The following LMBR1 variants were observed in gnomAD, a reference collection of about 807,000 sequenced individuals.
LMBR1 encodes the protein limb development membrane protein 1, also known as limb region 1 protein homolog.
A neutral mutation model predicts 73.9 loss-of-function variants in LMBR1; 52 were observed. The ratio of observed to expected loss-of-function variants is 0.70; its 90% confidence interval spans 0.56 to 0.89. The LOEUF is 0.89. Ranked by LOEUF, LMBR1 falls within the 40% of genes least tolerant of loss-of-function variation. The pLI, the probability that LMBR1 is intolerant of heterozygous loss-of-function variation, is 0.00. For missense variants in LMBR1, 539 were observed against 579.8 expected, an observed-to-expected ratio of 0.93 and a Z score of 0.72; for synonymous variants, 215 against 209.4, an observed-to-expected ratio of 1.03 and a Z score of -0.23.
chr7:156,819,813 G>C (rs1489385944), intron 4 of LMBR1, among the ~76,000 whole-genome samples: 16 of 152,048 alleles, frequency 1.1e-4, no homozygotes, highest in Non-Finnish European at 1.5e-5. Context: ...GCGGGTCCCT[G>C]AACCCATCCT....
chr7:156,723,904 T>A (rs767342981), intron 15 of LMBR1, among the ~76,000 whole-genome samples: 29 of 152,154 alleles, frequency 1.9e-4, no homozygotes, highest in Non-Finnish European at 3.7e-4. Flanking sequence ...TGCTTTTAAG[T>A]GTTTAAAAAA....
At chr7:156,750,622 T>C (rs748791816) in intron 9 of LMBR1, among the ~76,000 whole-genome samples, 5 of 152,196 alleles carry the variant, frequency 3.3e-5, no homozygotes, top group Non-Finnish European at 7.3e-5. Flanking sequence ...CCTCTTCCTT[T>C]TTCACTTCTA....
At chr7:156,675,454 A>T (rs1195807729), downstream of LMBR1, among the ~76,000 whole-genome samples, 4 of 152,216 alleles carry the variant, frequency 2.6e-5, no homozygotes, top group African/African-American at 9.6e-5. Flanking sequence ...CAGTATGCCA[A>T]GGTGCCGTAT....
rs887559580 is a variant in LMBR1, at chr7:156,689,309, A to G, written c.1226-1118T>C. Among the ~76,000 whole-genome samples, 3 of 152,196 alleles carry G rather than the reference A, an allele frequency of 2.0e-5. No individual in the cohort carries two copies. In the East Asian group the frequency reaches 5.8e-4, roughly 29 times the overall value. On this transcript the variant is annotated intron_variant, in intron 15 of 16. Coordinates refer to ENST00000353442, the MANE Select transcript of LMBR1 (RefSeq NM_022458.4). ...AAAATTTAAACTACAAAGAATTAGA[A>G]TAAGTAATAACAATCGTCTATAAAA...
chr7:156,844,353 T>A (rs1159090224), intron 1 of LMBR1, among the ~76,000 whole-genome samples: 3 of 151,680 alleles, frequency 2.0e-5, no homozygotes, highest in Non-Finnish European at 2.9e-5. Context: ...ACTATGAAAA[T>A]AAGAATACAA....
intron 11 of LMBR1, 95 bp from the exon 12 acceptor site, chr7:156,728,102 G>A: frequency 5.3e-6 from 5 of 945,876 alleles, no homozygotes; most frequent in East Asian, 2.5e-5. Flanking sequence ...CAGAATAGAG[G>A]GAAAGCAGTC....
At position 156,680,642 on chromosome 7, in the gene LMBR1, C is replaced by G. The variant is rs1328072085; in HGVS notation, c.*3436G>C. The G allele has an allele frequency of 6.5e-6, 1 of 153,066 alleles. No homozygotes were observed. Among genetic ancestry groups the G allele is most frequent in the Non-Finnish European group, 1.5e-5 (1 of 68,680 alleles). The allele number at this position is 153,066 out of a possible 1,614,324, so 9.5% of individuals were successfully genotyped here. On this transcript the variant is annotated 3_prime_UTR_variant, in exon 17 of 17. Transcript: ENST00000353442. The stretch of plus-strand genomic sequence containing the variant: ...AGTAATTAAATAAAATACATGCTAT[C>G]AATTATTGATGCTACATTGTGGGTT...
intron 9 of LMBR1, among the ~76,000 whole-genome samples, chr7:156,739,382 G>C (rs548709251): frequency 6.6e-6 from 1 of 152,230 alleles, no homozygotes; most frequent in African/African-American, 2.4e-5. Context: ...TCACCCTGAA[G>C]GTTAGGACAC....
chr7:156,757,746 G>C (rs1312791210), intron 8 of LMBR1, among the ~76,000 whole-genome samples: 7 of 152,156 alleles, frequency 4.6e-5, no homozygotes, highest in South Asian at 2.1e-4. Context: ...TCAGAAAACA[G>C]ATTTTCAAAT....
intron 4 of LMBR1, among the ~76,000 whole-genome samples, chr7:156,803,153 G>A (rs1831318260): frequency 6.6e-6 from 1 of 152,146 alleles, no homozygotes; most frequent in Non-Finnish European, 1.5e-5. Flanking sequence ...TGACAAATGG[G>A]ATCTAATTAA....
At chr7:156,675,590 C>CA, downstream of LMBR1, 1 of 840,024 alleles carries the variant, frequency 1.2e-6, no homozygotes, top group South Asian at 1.6e-5. Flanking sequence ...TATTCGAAGA[C>CA]AGAGACGAGG....
At chr7:156,850,867 G>GTTCACCC (rs1221728576) in intron 1 of LMBR1, among the ~76,000 whole-genome samples, 2 of 152,162 alleles carry the variant, frequency 1.3e-5, no homozygotes, top group African/African-American at 4.8e-5. Context: ...GTGAACCCTG[G>GTTCACCC]TGGAAGTGTT....
intron 1 of LMBR1, among the ~76,000 whole-genome samples, chr7:156,843,377 G>C (rs1839046044): frequency 6.6e-6 from 1 of 152,032 alleles, no homozygotes; most frequent in Non-Finnish European, 1.5e-5. Context: ...TGAAACTAAG[G>C]GTAGGCTGAT....
intron 15 of LMBR1, among the ~76,000 whole-genome samples, chr7:156,702,180 G>A (rs1809895154): frequency 6.6e-6 from 1 of 152,140 alleles, no homozygotes. Flanking sequence ...TCTGGTTCTA[G>A]GTCTTTGGGG....
chr7:156,866,450 T>C (rs1461638651), intron 1 of LMBR1, among the ~76,000 whole-genome samples: 2 of 151,468 alleles, frequency 1.3e-5, no homozygotes, highest in Non-Finnish European at 2.9e-5. Flanking sequence ...CAGCCATTGC[T>C]ATGCAAATGT....
At chr7:156,788,529 G>A (rs1828573661) in intron 5 of LMBR1, among the ~76,000 whole-genome samples, 1 of 151,240 alleles carries the variant, frequency 6.6e-6, no homozygotes. Context: ...GCTGAGTCAA[G>A]CACTGAAATC....
At chr7:156,757,344 C>T (rs1822092355) in intron 8 of LMBR1, among the ~76,000 whole-genome samples, 1 of 152,162 alleles carries the variant, frequency 6.6e-6, no homozygotes, top group Admixed American at 6.5e-5. Flanking sequence ...TAAAAACACT[C>T]CATGAATATT....
intron 4 of LMBR1, among the ~76,000 whole-genome samples, chr7:156,810,033 T>C (rs577918829): frequency 1.3e-5 from 2 of 152,082 alleles, no homozygotes; most frequent in African/African-American, 2.4e-5. Context: ...CCACTTTGCA[T>C]TGCCATCAAG....
intron 1 of LMBR1, among the ~76,000 whole-genome samples, chr7:156,865,364 T>C (rs1798306867): frequency 2.0e-5 from 3 of 152,094 alleles, no homozygotes; most frequent in African/African-American, 7.2e-5. Flanking sequence ...TACTTAGGAA[T>C]AAATTTAACA....
Sources: allele counts gnomAD v4.1 joint callset (sites outside exome capture counted in the v4.1 genomes callset), GRCh38; gene constraint gnomAD v4.1.1; transcripts MANE v1.5; gene names NCBI Gene and HGNC (gene_info 2026-07-23, HGNC 2026-07-21).